HIVEP3: variants seen among roughly 807,000 people sequenced by gnomAD.
The protein encoded by HIVEP3 is HIVEP zinc finger 3.
HIVEP3 carries 49 observed loss-of-function variants against 152.8 expected under a neutral mutation model. The ratio of observed to expected loss-of-function variants is 0.32; its 90% CI spans 0.26 to 0.41. The LOEUF (loss-of-function observed/expected upper bound fraction) is 0.41. HIVEP3 is among the 10% of genes least tolerant of loss of function. The pLI is 1.00. For missense variants in HIVEP3, 2,790 were observed against 3,103.3 expected, an observed-to-expected ratio of 0.90 and a Z score of 2.40; for synonymous variants, 1,269 against 1,289.0, an observed-to-expected ratio of 0.98 and a Z score of 0.33.
intron 1 of HIVEP3, among the ~76,000 whole-genome samples, chr1:41,739,264 C>T (rs150403588): frequency 2.0e-5 from 3 of 152,330 alleles, no homozygotes; most frequent in African/African-American, 7.2e-5. Context: ...CGGTGGCAAA[C>T]GGGGAACTCC....
chr1:41,537,171 T>C (rs1643422538), intron 5 of HIVEP3, among the ~76,000 whole-genome samples: 1 of 152,210 alleles, frequency 6.6e-6, no homozygotes, highest in African/African-American at 2.4e-5. Flanking sequence ...AGTTACCTTC[T>C]TAATCTGAGA....
intron 1 of HIVEP3, among the ~76,000 whole-genome samples, chr1:41,976,974 C>A (rs1346005424): frequency 6.6e-6 from 1 of 152,294 alleles, no homozygotes; most frequent in South Asian, 2.1e-4. Context: ...CTAAGCCACC[C>A]GGTTTGTGGT....
chr1:41,737,301 A>C (rs532173680), intron 1 of HIVEP3, among the ~76,000 whole-genome samples: 13 of 152,286 alleles, frequency 8.5e-5, no homozygotes, highest in Admixed American at 3.9e-4. Context: ...CTGTGTGTGT[A>C]AGCAGGCACT....
chr1:41,775,142 C>T (rs1056124632), intron 1 of HIVEP3, among the ~76,000 whole-genome samples: 1 of 152,098 alleles, frequency 6.6e-6, no homozygotes, highest in Non-Finnish European at 1.5e-5. Flanking sequence ...AACTGAATAG[C>T]CACATCACAT....
intron 5 of HIVEP3, among the ~76,000 whole-genome samples, chr1:41,559,228 T>C (rs1422569852): frequency 6.6e-6 from 1 of 152,212 alleles, no homozygotes; most frequent in African/African-American, 2.4e-5. Flanking sequence ...GCCCTCTGTC[T>C]CTTTTAAAGT....
chr1:41,979,810 T>C (rs1353749764), intron 1 of HIVEP3, among the ~76,000 whole-genome samples: 3 of 152,256 alleles, frequency 2.0e-5, no homozygotes, highest in Admixed American at 1.3e-4. Flanking sequence ...GAAAATTTGA[T>C]ATTCTTCCCT....
intron 1 of HIVEP3, among the ~76,000 whole-genome samples, chr1:41,821,416 G>A (rs1227711847): frequency 6.6e-6 from 1 of 152,138 alleles, no homozygotes; most frequent in Non-Finnish European, 1.5e-5. Flanking sequence ...ATGTGTCAAA[G>A]ACCACTCGAG....
intron 5 of HIVEP3, among the ~76,000 whole-genome samples, chr1:41,569,546 G>A (rs181873903): frequency 1.3e-5 from 2 of 152,312 alleles, no homozygotes; most frequent in African/African-American, 4.8e-5. Flanking sequence ...ACAGCAAAAT[G>A]GGACTAGGCA....
intron 3 of HIVEP3, among the ~76,000 whole-genome samples, chr1:41,588,688 G>A (rs979899726): frequency 3.3e-5 from 5 of 152,158 alleles, no homozygotes; most frequent in African/African-American, 1.2e-4. Context: ...TGAGTGGGGA[G>A]CAAAAAGGCC....
chr1:41,985,547 AC>A (rs1645317497), intron 1 of HIVEP3, among the ~76,000 whole-genome samples: 2 of 152,288 alleles, frequency 1.3e-5, no homozygotes, highest in Middle Eastern at 3.4e-3. Flanking sequence ...AAGGGCACTA[AC>A]CCCATCATGA....
chr1:41,535,088 G>T (rs1220969380), intron 5 of HIVEP3, among the ~76,000 whole-genome samples: 1 of 152,216 alleles, frequency 6.6e-6, no homozygotes, highest in Non-Finnish European at 1.5e-5. Flanking sequence ...CCAAGGCCCA[G>T]TGGGTTCATT....
Position 41,680,248 on chromosome 1 carries a change from T to C in HIVEP3, c.-721+20668A>G, listed in dbSNP as rs117494963. 2.7e-4 allele frequency among the ~76,000 whole-genome samples: 41 copies of C among 152,358 alleles called. 1 individual carries two copies. In the East Asian group the frequency reaches 7.9e-3, roughly 29 times the overall value. On this transcript the variant is annotated intron_variant, in intron 2 of 8. Coordinates refer to ENST00000372583, the MANE Select transcript of HIVEP3 (RefSeq NM_024503.5). ...TCTCAGGCCAAGCAGCTGAGACCCC[T>C]GGGCTCCATCAGTACTGAGCATGTC...
At chr1:41,849,262 C>T (rs1468983291) in intron 1 of HIVEP3, among the ~76,000 whole-genome samples, 1 of 152,176 alleles carries the variant, frequency 6.6e-6, no homozygotes, top group African/African-American at 2.4e-5. Context: ...GCACCTGAGA[C>T]CTTTCATCAC....
chr1:41,734,755 C>T (rs527713459), intron 1 of HIVEP3, among the ~76,000 whole-genome samples: 17 of 152,242 alleles, frequency 1.1e-4, no homozygotes, highest in South Asian at 4.2e-4. Flanking sequence ...CGGGGCAGGA[C>T]GGCAGTTGAG....
Position 41,582,963 on chromosome 1 carries a change from T to C in HIVEP3, c.1835A>G (p.Asp612Gly). Residue 612 changes from aspartate (D) to glycine (G), a missense_variant, in exon 4 of 9, where the codon GAC becomes GGC. Transcript: ENST00000372583. The surrounding 1 kb of genome is among the most constrained non-coding windows in gnomAD (Gnocchi z 4.7). ...TTCGTCCGAGGGCTTGGAGGCTGTG[T>C]CTTTGCTGCTTGGGCCAGGCTCCTC... ...SSEEPGPSSK[D>G]TASKPSDEVE... 6.2e-7 allele frequency: 1 copy of C among 1,614,106 alleles called. No individual in the cohort carries two copies. Among genetic ancestry groups the C allele is most frequent in the Non-Finnish European group, 8.5e-7 (1 of 1,180,026 alleles).
At chr1:41,671,366 G>A (rs1002794835) in intron 2 of HIVEP3, among the ~76,000 whole-genome samples, 2 of 152,166 alleles carry the variant, frequency 1.3e-5, no homozygotes, top group Non-Finnish European at 2.9e-5. Flanking sequence ...CTGCTCTTCC[G>A]TCCCAGAGAT....
At chr1:41,868,033 C>T (rs1644010879) in intron 1 of HIVEP3, among the ~76,000 whole-genome samples, 1 of 151,872 alleles carries the variant, frequency 6.6e-6, no homozygotes, top group African/African-American at 2.4e-5. Flanking sequence ...CAGGTCCTAT[C>T]ACTGACCTGC....
chr1:41,959,155 A>T (rs1262421231), intron 1 of HIVEP3, among the ~76,000 whole-genome samples: 1 of 152,298 alleles, frequency 6.6e-6, no homozygotes, highest in South Asian at 2.1e-4. Context: ...CTAGCTCCTG[A>T]TGCTGCTAAA....
At chr1:41,654,557 C>A (rs1645602141) in intron 2 of HIVEP3, among the ~76,000 whole-genome samples, 1 of 152,298 alleles carries the variant, frequency 6.6e-6, no homozygotes, top group South Asian at 2.1e-4. Flanking sequence ...CAGTTTCCTT[C>A]CATGTGAACA....
Sources: allele counts gnomAD v4.1 joint callset (sites outside exome capture counted in the v4.1 genomes callset), GRCh38; gene constraint gnomAD v4.1.1; non-coding constraint Gnocchi (gnomAD v3.1); transcripts MANE v1.5; gene names NCBI Gene and HGNC (gene_info 2026-07-23, HGNC 2026-07-21).